Variants in TUBB6 observed in about 807,000 individuals in gnomAD.
TUBB6 encodes the protein tubulin beta 6 class V, also known as tubulin beta-6 chain.
Under a neutral mutation model 32.3 loss-of-function variants are expected in TUBB6, and 18 were observed. The observed-to-expected ratio is 0.56, with a 90% CI of 0.39 to 0.83. TUBB6 has a LOEUF of 0.83. Among genes scored for constraint, TUBB6 ranks in the 40% least tolerant of loss-of-function variants. TUBB6 has a pLI of 0.00. For missense variants in TUBB6, 480 were observed against 632.0 expected, an observed-to-expected ratio of 0.76 and a Z score of 2.58; for synonymous variants, 280 against 265.8, an observed-to-expected ratio of 1.05 and a Z score of -0.52.
chr18:12,317,699 G>C (rs549679695), intron 3 of TUBB6, among the ~76,000 whole-genome samples: 1 of 152,310 alleles, frequency 6.6e-6, no homozygotes, highest in South Asian at 2.1e-4. Context: ...CTTGAAACCA[G>C]AGGGGGGACT....
intron 3 of TUBB6, among the ~76,000 whole-genome samples, chr18:12,316,168 C>T (rs189300563): frequency 3.2e-4 from 48 of 152,316 alleles, no homozygotes; most frequent in African/African-American, 1.1e-3. Flanking sequence ...AAGAGAGAGT[C>T]GAAGCCATGA....
chr18:12,318,643 C>G (rs6505751), intron 3 of TUBB6, among the ~76,000 whole-genome samples: 1 of 151,940 alleles, frequency 6.6e-6, no homozygotes, highest in Admixed American at 6.6e-5. Context: ...GGGACTGAGA[C>G]GGAGATCTAG....
At chr18:12,313,043 T>G (rs1906479423) in intron 3 of TUBB6, among the ~76,000 whole-genome samples, 1 of 151,382 alleles carries the variant, frequency 6.6e-6, no homozygotes, top group South Asian at 2.1e-4. Context: ...TGTTCCTGAT[T>G]TGTAGAGGAC....
intron 2 of TUBB6, among the ~76,000 whole-genome samples, chr18:12,310,488 C>T (rs1235750671): frequency 6.9e-5 from 2 of 28,898 alleles, no homozygotes; most frequent in Non-Finnish European, 1.5e-4. Context: ...GAGACTCCAT[C>T]GCAAAAAAAA....
downstream of TUBB6, among the ~76,000 whole-genome samples, chr18:12,328,757 C>T (rs1446498799): frequency 6.6e-6 from 1 of 152,228 alleles, no homozygotes; most frequent in Non-Finnish European, 1.5e-5. Context: ...GACCCATGTA[C>T]TTTATATCCA....
chr18:12,318,232 G>C (rs937393027), intron 3 of TUBB6, among the ~76,000 whole-genome samples: 2 of 151,724 alleles, frequency 1.3e-5, no homozygotes, highest in African/African-American at 4.9e-5. Context: ...CTATGTTGTA[G>C]TTTTGCCAGG....
intron 3 of TUBB6, among the ~76,000 whole-genome samples, chr18:12,323,321 T>C (rs1907083814): frequency 6.6e-6 from 1 of 152,228 alleles, no homozygotes; most frequent in Admixed American, 6.5e-5. Flanking sequence ...CTCCCACTCC[T>C]ACGTGCATCT....
downstream of TUBB6, among the ~76,000 whole-genome samples, chr18:12,328,564 G>A (rs528863705): frequency 1.3e-5 from 2 of 152,328 alleles, no homozygotes; most frequent in Admixed American, 6.5e-5. Flanking sequence ...GGGGACTCCA[G>A]CTTAGTTCCA....
chr18:12,311,091 AT>A, intron 3 of TUBB6, 38 bp downstream of exon 3: 1 of 1,495,272 alleles, frequency 6.7e-7, no homozygotes, highest in Non-Finnish European at 9.2e-7. Flanking sequence ...TTCTTCTTTT[AT>A]TTTTTTAAAT....
intron 3 of TUBB6, among the ~76,000 whole-genome samples, chr18:12,315,710 C>G (rs544335349): frequency 1.3e-5 from 2 of 152,196 alleles, no homozygotes; most frequent in Non-Finnish European, 2.9e-5. Flanking sequence ...ACTCAGCGCA[C>G]GCTGCACTGT....
downstream of TUBB6, chr18:12,329,810 TAC>T (rs772208016): frequency 6.4e-7 from 1 of 1,572,370 alleles, no homozygotes; most frequent in Admixed American, 1.7e-5. Context: ...TTTCATTAAA[TAC>T]AGTTACTCAG....
At chr18:12,310,401 G>A (rs1906304768) in intron 2 of TUBB6, among the ~76,000 whole-genome samples, 1 of 150,356 alleles carries the variant, frequency 6.7e-6, no homozygotes, top group East Asian at 2.0e-4. Flanking sequence ...TGAGGCAGGA[G>A]AATGGCATGA....
chr18:12,318,453 G>A (rs4797675), intron 3 of TUBB6, among the ~76,000 whole-genome samples: 117,698 of 148,618 alleles, frequency 0.79, 47,809 homozygotes, highest in Non-Finnish European at 0.88. Flanking sequence ...ACAAGGAAAC[G>A]GCCACCTGAG....
At chr18:12,323,494 A>G (rs1213491282) in intron 3 of TUBB6, among the ~76,000 whole-genome samples, 1 of 152,198 alleles carries the variant, frequency 6.6e-6, no homozygotes, top group Non-Finnish European at 1.5e-5. Context: ...TAAGATATAC[A>G]TAAGCCTGTC....
intron 3 of TUBB6, among the ~76,000 whole-genome samples, chr18:12,318,947 T>C (rs1233111154): frequency 6.6e-6 from 1 of 152,068 alleles, no homozygotes; most frequent in East Asian, 1.9e-4. Context: ...TTTAATGTTT[T>C]CATGTCAAAG....
At position 12,326,223 on chromosome 18, in the gene TUBB6, T is replaced by G; in HGVS notation, c.*93T>G. 1 of 1,469,364 alleles carries G rather than the reference T, an allele frequency of 6.8e-7. No homozygotes were observed. Among genetic ancestry groups the G allele is most frequent in the Non-Finnish European group, 9.0e-7 (1 of 1,108,330 alleles). 91.0% of individuals were successfully genotyped at this position (1,469,364 alleles called of 1,614,324 possible). ...TACCCTATGGCCCTGAATGGTGCAC[T>G]GGTTTAATTGTGTTGGTGTCGGCCC... On this transcript the variant is annotated 3_prime_UTR_variant, in exon 4 of 4. Coordinates refer to ENST00000317702, the MANE Select transcript of TUBB6 (RefSeq NM_032525.3).
intron 3 of TUBB6, among the ~76,000 whole-genome samples, chr18:12,322,998 G>GA (rs1225764295): frequency 2.0e-5 from 3 of 151,772 alleles, no homozygotes; most frequent in Non-Finnish European, 4.4e-5. Flanking sequence ...TTTGACTTAT[G>GA]AAAAATAATA....
intron 2 of TUBB6, among the ~76,000 whole-genome samples, chr18:12,309,614 G>A (rs555018304): frequency 3.3e-5 from 5 of 152,248 alleles, no homozygotes; most frequent in African/African-American, 1.2e-4. Flanking sequence ...ATCAGGGCAT[G>A]GAAGATGAAA....
rs749826322 is a variant in TUBB6 at position 12,308,328 on chromosome 18, C to T, written c.36C>T (p.Cys12=). ...TCGTGCACATCCAGGCGGGCCAGTGCGGGAACCAGATCGGCACCAAGGTGG... is the reference window on the plus strand; with the variant it reads ...TCGTGCACATCCAGGCGGGCCAGTGTGGGAACCAGATCGGCACCAAGGTGG... ...REIVHIQAGQ[C]GNQIGTKFWE... is the part of the protein sequence containing the mutation. The change falls in exon 1 of 4, where the codon TGC becomes TGT. Residue 12 remains cysteine (C), a synonymous_variant. Transcript: ENST00000317702. 3 of 1,481,304 alleles carry T rather than the reference C, an allele frequency of 2.0e-6. No homozygotes were observed. The highest frequency in any genetic ancestry group is 3.0e-5 in the East Asian group (1 of 33,842). 91.8% of individuals were successfully genotyped at this position (1,481,304 alleles called of 1,614,324 possible).
Sources: gnomAD v4.1 joint callset for allele counts (sites outside exome capture counted in the v4.1 genomes callset) on GRCh38, gnomAD v4.1.1 for gene constraint, MANE v1.5 for transcripts, NCBI Gene and HGNC (gene_info 2026-07-23, HGNC 2026-07-21) for gene names.